TPCN2: variants seen among roughly 807,000 people sequenced by gnomAD.
The protein encoded by TPCN2 is two pore segment channel 2, also known as two pore channel protein 2.
A neutral mutation model predicts 111.4 loss-of-function variants in TPCN2; 92 were observed. The observed-to-expected ratio is 0.83, with a 90% CI of 0.70 to 0.98. TPCN2 has a LOEUF of 0.98. Among genes scored for constraint, TPCN2 ranks in the 50% least tolerant of loss-of-function variants. The pLI is 0.00. For synonymous variants in TPCN2, 405 were observed against 414.5 expected, an observed-to-expected ratio of 0.98 and a Z score of 0.28; for missense variants, 995 against 980.1, an observed-to-expected ratio of 1.02 and a Z score of -0.20.
chr11:69,086,791 G>T (rs1166799812), intron 23 of TPCN2, among the ~76,000 whole-genome samples, 187 bp downstream of exon 23: 1 of 151,902 alleles, frequency 6.6e-6, no homozygotes, highest in Admixed American at 6.5e-5. Flanking sequence ...GGCTGCTGGG[G>T]CCTTGGGGAG....
At chr11:69,049,140 C>T (rs1465205293) in intron 1 of TPCN2, 34 bp downstream of exon 1, 2 of 1,197,000 alleles carry the variant, frequency 1.7e-6, no homozygotes, top group Non-Finnish European at 1.1e-6. Context: ...GGGACTGGCC[C>T]GGGAGACCAG....
At position 69,087,960 on chromosome 11, in the gene TPCN2, G is replaced by GGCTGCCGTCCCA. The variant is rs1321380078; in HGVS notation, c.*10_*21dup. 1 of 1,604,712 alleles carries GGCTGCCGTCCCA rather than the reference G, an allele frequency of 6.2e-7. No homozygotes were observed. Among genetic ancestry groups the GGCTGCCGTCCCA allele is most frequent in the Admixed American group, 1.7e-5 (1 of 58,878 alleles). On this transcript the variant is annotated 3_prime_UTR_variant, in exon 25 of 25. Transcript: ENST00000294309. ...CCTGTGGCTGTGCAGGTGACGTCCG[G>GGCTGCCGTCCCA]GCTGCCGTCCCAGCAGGGGCGGCAG...
intron 1 of TPCN2, among the ~76,000 whole-genome samples, chr11:69,050,671 C>T (rs1417615699): frequency 6.6e-6 from 1 of 152,222 alleles, no homozygotes; most frequent in African/African-American, 2.4e-5. Context: ...AGCCACTGTG[C>T]CTGGCCATGC....
At chr11:69,085,151 G>C in intron 19 of TPCN2, 59 bp from the exon 20 acceptor site, 1 of 1,464,456 alleles carries the variant, frequency 6.8e-7, no homozygotes, top group South Asian at 1.1e-5. Context: ...GTCTGGGGAG[G>C]GTGGTGGTGG....
At chr11:69,053,838 TTG>T (rs1854619846) in intron 1 of TPCN2, among the ~76,000 whole-genome samples, 193 bp from the exon 2 acceptor site, 4 of 152,312 alleles carry the variant, frequency 2.6e-5, no homozygotes, top group South Asian at 2.1e-4. Flanking sequence ...GCCTGTGCAT[TTG>T]ATGCCGAGGC....
chr11:69,063,888 C>T lies in TPCN2; in HGVS notation c.654-7C>T. On this transcript the variant is annotated splice_polypyrimidine_tract_variant and splice_region_variant and intron_variant, in intron 6 of 24. Coordinates refer to ENST00000294309, the MANE Select transcript of TPCN2 (RefSeq NM_139075.4). ...TGGCCCAGGCTGAGTGCCGTGCTCT[C>T]CCCCAGCGTCGGGCTGCTGCTGGCC... 6.2e-7 allele frequency: 1 copy of T among 1,613,560 alleles called. No individual in the cohort carries two copies. Among genetic ancestry groups the T allele is most frequent in the Non-Finnish European group, 8.5e-7 (1 of 1,179,822 alleles).
chr11:69,080,687 C>G (rs1855968748), intron 17 of TPCN2, among the ~76,000 whole-genome samples: 1 of 152,130 alleles, frequency 6.6e-6, no homozygotes, highest in Non-Finnish European at 1.5e-5. Flanking sequence ...ACAGCAAGAG[C>G]CTTGCTATTC....
At chr11:69,086,066 C>A in intron 22 of TPCN2, 136 bp downstream of exon 22, 1 of 829,404 alleles carries the variant, frequency 1.2e-6, no homozygotes. Flanking sequence ...GGGAAGTCGG[C>A]CAGCGTGGCA....
intron 18 of TPCN2, chr11:69,083,034 C>T (rs1856110139): frequency 6.9e-6 from 1 of 145,882 alleles, no homozygotes; most frequent in Admixed American, 7.1e-5. Flanking sequence ...TGCAGATATC[C>T]TTGTGAACTC....
chr11:69,084,833 T>G (rs1288694931), intron 19 of TPCN2: 5 of 982,560 alleles, frequency 5.1e-6, no homozygotes, highest in Non-Finnish European at 6.0e-6. Flanking sequence ...CAGAGGAAAC[T>G]GAGGCCCAGA....
In TPCN2 at chr11:69,072,889, G is replaced by C. The variant is rs371143007; in HGVS notation, c.1144-26G>C. On this transcript the variant is annotated intron_variant, in intron 12 of 24. Coordinates refer to ENST00000294309, the MANE Select transcript of TPCN2 (RefSeq NM_139075.4). ...GGCGCTCACCTTCCCGTGCGCCCCTGCTGACCTGTGCTCCTTCCTGTGCAG... is the reference window on the plus strand; with the variant it reads ...GGCGCTCACCTTCCCGTGCGCCCCTCCTGACCTGTGCTCCTTCCTGTGCAG... The C allele has an allele frequency of 2.0e-5, 32 of 1,597,188 alleles. No homozygotes were observed. The African/African-American group carries it at 3.9e-4, about 19-fold the overall frequency.
At chr11:69,077,036 T>C (rs1590740884) in intron 13 of TPCN2, among the ~76,000 whole-genome samples, 3 of 78,684 alleles carry the variant, frequency 3.8e-5, no homozygotes, top group Non-Finnish European at 5.1e-5. Context: ...CCTCCTGCCA[T>C]GTCCCTCCAC....
intron 8 of TPCN2, 113 bp from the exon 9 acceptor site, chr11:69,070,317 C>A: frequency 1.2e-6 from 1 of 828,662 alleles, no homozygotes; most frequent in Non-Finnish European, 2.0e-6. Flanking sequence ...TGAGCCACCA[C>A]GCTCAGCAAT....
At chr11:69,087,575 C>G (rs546041977) in intron 24 of TPCN2, among the ~76,000 whole-genome samples, 12 of 152,270 alleles carry the variant, frequency 7.9e-5, no homozygotes, top group African/African-American at 2.9e-4. Flanking sequence ...AAGTGACCAC[C>G]CAGAGGCAGC....
intron 13 of TPCN2, among the ~76,000 whole-genome samples, chr11:69,073,548 G>C (rs1366961207): frequency 6.6e-6 from 1 of 152,262 alleles, no homozygotes; most frequent in African/African-American, 2.4e-5. Context: ...GAGAGGTGGG[G>C]TGGCAGACGC....
chr11:69,085,479 C>T (rs765113073), intron 20 of TPCN2, among the ~76,000 whole-genome samples, 192 bp from the exon 21 acceptor site: 3 of 152,078 alleles, frequency 2.0e-5, no homozygotes, highest in Non-Finnish European at 2.9e-5. Context: ...CCTAGGAGCC[C>T]TTGCCTGGAG....
At chr11:69,064,785 G>T (rs1341526158) in intron 7 of TPCN2, among the ~76,000 whole-genome samples, 2 of 152,244 alleles carry the variant, frequency 1.3e-5, no homozygotes, top group African/African-American at 4.8e-5. Context: ...CGGTCATTGA[G>T]CCCCTGTGTG....
At chr11:69,081,813 G>C (rs1358866646) in intron 18 of TPCN2, among the ~76,000 whole-genome samples, 2 of 152,126 alleles carry the variant, frequency 1.3e-5, no homozygotes, top group African/African-American at 2.4e-5. Flanking sequence ...CCAGGTCTCT[G>C]AGGTTCCCAG....
chr11:69,063,034 C>G, intron 6 of TPCN2, 44 bp downstream of exon 6: 11 of 1,559,288 alleles, frequency 7.1e-6, no homozygotes, highest in Non-Finnish European at 9.7e-6. Context: ...GGAAGGGGCT[C>G]TCTCTGCCCC....
Sources: allele counts gnomAD v4.1 joint callset (sites outside exome capture counted in the v4.1 genomes callset), GRCh38; gene constraint gnomAD v4.1.1; transcripts MANE v1.5; gene names NCBI Gene and HGNC (gene_info 2026-07-23, HGNC 2026-07-21).